PAPPA: variants seen among roughly 807,000 people sequenced by gnomAD.
PAPPA encodes the protein pappalysin-1.
A neutral mutation model predicts 164.0 loss-of-function variants in PAPPA; 60 were observed. The ratio of observed to expected loss-of-function variants is 0.37; its 90% CI spans 0.30 to 0.45. PAPPA has a LOEUF of 0.45. Among genes scored for constraint, PAPPA ranks in the 20% least tolerant of loss-of-function variants. The pLI, the probability that PAPPA is intolerant of heterozygous loss-of-function variation, is 1.00. For synonymous variants in PAPPA, 875 were observed against 814.1 expected, an observed-to-expected ratio of 1.07 and a Z score of -1.27; for missense variants, 1,782 against 2,087.3, an observed-to-expected ratio of 0.85 and a Z score of 2.85.
chr9:116,324,268 G>C (rs1845895317), intron 10 of PAPPA, among the ~76,000 whole-genome samples: 1 of 152,154 alleles, frequency 6.6e-6, no homozygotes, highest in South Asian at 2.1e-4. Flanking sequence ...TATGACCCTA[G>C]GTAAATTACT....
At chr9:116,354,920 T>C (rs1009431462) in intron 17 of PAPPA, among the ~76,000 whole-genome samples, 8 of 151,548 alleles carry the variant, frequency 5.3e-5, no homozygotes, top group Admixed American at 3.3e-4. Context: ...GCCAATAAGA[T>C]GGATTTTCCC....
intron 7 of PAPPA, 137 bp downstream of exon 7, chr9:116,235,774 G>T: frequency 1.2e-6 from 1 of 835,856 alleles, no homozygotes; most frequent in Non-Finnish European, 1.9e-6. Context: ...CCATCATTGG[G>T]TGTAGATTTG....
intron 4 of PAPPA, among the ~76,000 whole-genome samples, chr9:116,213,060 A>T (rs1844328151): frequency 6.6e-6 from 1 of 152,090 alleles, no homozygotes; most frequent in African/African-American, 2.4e-5. Context: ...TTGAGTGGGG[A>T]AATTGAGCAA....
At chr9:116,330,909 C>G (rs931505856) in intron 10 of PAPPA, among the ~76,000 whole-genome samples, 1 of 152,270 alleles carries the variant, frequency 6.6e-6, no homozygotes, top group Admixed American at 6.5e-5. Context: ...AGCCTTGCTT[C>G]TGTTCCCTCT....
chr9:116,166,679 G>A (rs573069656), intron 1 of PAPPA, among the ~76,000 whole-genome samples: 19 of 152,308 alleles, frequency 1.2e-4, no homozygotes, highest in East Asian at 9.6e-4. Flanking sequence ...CTGGCACTAT[G>A]CTGAATGCTA....
At chr9:116,276,717 C>T (rs1001065454) in intron 9 of PAPPA, among the ~76,000 whole-genome samples, 12 of 152,178 alleles carry the variant, frequency 7.9e-5, no homozygotes, top group South Asian at 2.1e-4. Context: ...CCCTCCCTCC[C>T]CACTCCTCTT....
At chr9:116,155,813 C>G (rs1306992120) in intron 1 of PAPPA, among the ~76,000 whole-genome samples, 1 of 152,180 alleles carries the variant, frequency 6.6e-6, no homozygotes, top group East Asian at 1.9e-4. Context: ...ATACGTCTCC[C>G]GAAGCCCCCG....
rs1564177432 is a variant in PAPPA at position 116,187,461 on chromosome 9, G to A, written c.723G>A (p.Gly241=). 3 of 1,614,182 alleles carry A rather than the reference G, an allele frequency of 1.9e-6. No individual in the cohort carries two copies. Among genetic ancestry groups the A allele is most frequent in the Non-Finnish European group, 2.5e-6 (3 of 1,180,050 alleles). Residue 241 remains glycine, a synonymous_variant, in exon 2 of 22, where the codon GGG becomes GGA. Transcript: ENST00000328252. This position sits in a 1 kb window ranked among gnomAD's most constrained non-coding sequence, Gnocchi z 4.2. ...AGAAGTGCAAAGTGCTCATGTTAGG[G>A]GGCAGTGCCCTGAATCACAACTACC... ...LTQKCKVLML[G]GSALNHNYRG...
intron 2 of PAPPA, among the ~76,000 whole-genome samples, chr9:116,193,046 C>T (rs1844062251): frequency 6.6e-6 from 1 of 152,158 alleles, no homozygotes; most frequent in African/African-American, 2.4e-5. Context: ...AAGACACTTT[C>T]CCTATACACT....
chr9:116,257,815 TA>T (rs932420006), intron 7 of PAPPA, among the ~76,000 whole-genome samples: 1 of 151,872 alleles, frequency 6.6e-6, no homozygotes, highest in African/African-American at 2.4e-5. Context: ...CTAGAACAAA[TA>T]AAACAGTCTA....
At chr9:116,203,463 A>T (rs1432344917) in intron 2 of PAPPA, among the ~76,000 whole-genome samples, 1 of 152,212 alleles carries the variant, frequency 6.6e-6, no homozygotes, top group Admixed American at 6.5e-5. Context: ...CTGATGGAAA[A>T]GACAGATGCT....
chr9:116,349,754 C>T (rs1588015504), intron 15 of PAPPA, among the ~76,000 whole-genome samples: 1 of 152,198 alleles, frequency 6.6e-6, no homozygotes, highest in Non-Finnish European at 1.5e-5. Flanking sequence ...AACAAGTGAA[C>T]TTACAGGGTC....
At chr9:116,323,737 GT>G (rs1845888398) in intron 10 of PAPPA, among the ~76,000 whole-genome samples, 1 of 152,118 alleles carries the variant, frequency 6.6e-6, no homozygotes, top group African/African-American at 2.4e-5. Flanking sequence ...GGCTTTGTTT[GT>G]TTCTTTGTTT....
intron 12 of PAPPA, among the ~76,000 whole-genome samples, chr9:116,334,597 G>C (rs73656807): frequency 2.0e-5 from 3 of 152,114 alleles, no homozygotes; most frequent in Admixed American, 6.5e-5. Flanking sequence ...TGGCCATTTG[G>C]GGGAGGGAGA....
chr9:116,353,021 C>G, intron 16 of PAPPA, 105 bp downstream of exon 16: 1 of 807,616 alleles, frequency 1.2e-6, no homozygotes, highest in Non-Finnish European at 2.1e-6. Context: ...GAGGTAATGA[C>G]TGCCATTCAT....
At chr9:116,216,326 T>G (rs1486016925) in intron 4 of PAPPA, among the ~76,000 whole-genome samples, 1 of 151,942 alleles carries the variant, frequency 6.6e-6, no homozygotes, top group East Asian at 1.9e-4. Flanking sequence ...CTAAGTGGAG[T>G]GAAGGCATGG....
At chr9:116,333,580 G>A (rs879927819) in intron 12 of PAPPA, among the ~76,000 whole-genome samples, 10 of 152,150 alleles carry the variant, frequency 6.6e-5, no homozygotes, top group Non-Finnish European at 1.3e-4. Flanking sequence ...AAAAGCCAAG[G>A]GAGCAGGGAA....
At chr9:116,303,283 C>T (rs185078588) in intron 10 of PAPPA, among the ~76,000 whole-genome samples, 37 of 152,232 alleles carry the variant, frequency 2.4e-4, no homozygotes, top group East Asian at 2.3e-3. Context: ...TTTTAGGGGG[C>T]GCCAAGCTGT....
chr9:116,176,787 C>G (rs1843841040), intron 1 of PAPPA, among the ~76,000 whole-genome samples: 1 of 152,048 alleles, frequency 6.6e-6, no homozygotes, highest in South Asian at 2.1e-4. Context: ...AACATATGTG[C>G]ATGAACATAC....
Sources: gnomAD v4.1 joint callset for allele counts (sites outside exome capture counted in the v4.1 genomes callset) on GRCh38, gnomAD v4.1.1 for gene constraint, Gnocchi (gnomAD v3.1) non-coding constraint, MANE v1.5 for transcripts, NCBI Gene and HGNC (gene_info 2026-07-23, HGNC 2026-07-21) for gene names.